Variants in BRINP3 observed in about 807,000 individuals in gnomAD.
BRINP3 encodes the protein BMP/retinoic acid inducible neural specific 3, also known as BMP/retinoic acid-inducible neural-specific protein 3.
Under a neutral mutation model 71.0 loss-of-function variants are expected in BRINP3, and 19 were observed. The ratio of observed to expected loss-of-function variants is 0.27; its 90% CI spans 0.19 to 0.39. BRINP3 has a LOEUF of 0.39. Ranked by LOEUF, BRINP3 falls within the 10% of genes least tolerant of loss-of-function variation. BRINP3 has a pLI of 1.00. For missense variants in BRINP3, 959 were observed against 940.8 expected (o/e 1.02, Z -0.25); for synonymous variants, 380 against 337.7 (o/e 1.13, Z -1.37).
intron 7 of BRINP3, among the ~76,000 whole-genome samples, chr1:190,132,778 G>T (rs1654648082): frequency 6.6e-6 from 1 of 152,034 alleles, no homozygotes; most frequent in African/African-American, 2.4e-5. Context: ...GAAAAGATTT[G>T]CATCTCACAG....
At chr1:190,180,526 T>A (rs1652937230) in intron 6 of BRINP3, among the ~76,000 whole-genome samples, 1 of 152,104 alleles carries the variant, frequency 6.6e-6, no homozygotes, top group Non-Finnish European at 1.5e-5. Context: ...ATTTTTAGGA[T>A]AATAAGTAAG....
At chr1:190,152,384 C>G (rs1251559323) in intron 7 of BRINP3, among the ~76,000 whole-genome samples, 1 of 151,824 alleles carries the variant, frequency 6.6e-6, no homozygotes, top group South Asian at 2.1e-4. Flanking sequence ...AGAGTTTACA[C>G]TTTCTCATTG....
chr1:190,462,707 T>C (rs1387822454), intron 1 of BRINP3, among the ~76,000 whole-genome samples: 5 of 152,098 alleles, frequency 3.3e-5, no homozygotes, highest in African/African-American at 1.2e-4. Context: ...CACAGTGTAG[T>C]ATATATTAAG....
At chr1:190,401,321 G>T (rs1671905353) in intron 2 of BRINP3, among the ~76,000 whole-genome samples, 2 of 138,590 alleles carry the variant, frequency 1.4e-5, no homozygotes, top group African/African-American at 5.4e-5. Context: ...TGAAGCCACT[G>T]CTCTCCAGCC....
chr1:190,112,818 T>C (rs1652802787), intron 7 of BRINP3, among the ~76,000 whole-genome samples: 1 of 152,160 alleles, frequency 6.6e-6, no homozygotes, highest in African/African-American at 2.4e-5. Flanking sequence ...AAAGTTGTTT[T>C]GGTGAGAATT....
At chr1:190,139,491 A>G (rs1046919990) in intron 7 of BRINP3, among the ~76,000 whole-genome samples, 1 of 151,810 alleles carries the variant, frequency 6.6e-6, no homozygotes, top group African/African-American at 2.4e-5. Flanking sequence ...AAAGAAAAAA[A>G]ATGATCTTTG....
intron 2 of BRINP3, among the ~76,000 whole-genome samples, chr1:190,442,722 T>C (rs563798960): frequency 5.3e-4 from 80 of 151,936 alleles, no homozygotes; most frequent in Non-Finnish European, 9.1e-4. Context: ...GTGTGTATTT[T>C]CTTCATGCCT....
chr1:190,135,756 T>C (rs1042794978), intron 7 of BRINP3, among the ~76,000 whole-genome samples: 4 of 152,076 alleles, frequency 2.6e-5, no homozygotes, highest in East Asian at 1.9e-4. Flanking sequence ...TAATTATTTC[T>C]GCATTAGTTT....
intron 4 of BRINP3, among the ~76,000 whole-genome samples, chr1:190,246,450 C>A (rs762818682): frequency 6.6e-6 from 1 of 151,738 alleles, no homozygotes; most frequent in Non-Finnish European, 1.5e-5. Context: ...TAGAAGTTGT[C>A]TTTAACCATA....
At chr1:190,278,567 G>A (rs1230511718) in intron 3 of BRINP3, among the ~76,000 whole-genome samples, 1 of 151,482 alleles carries the variant, frequency 6.6e-6, no homozygotes, top group African/African-American at 2.4e-5. Flanking sequence ...ATAATTTCAT[G>A]CATCTTAACT....
rs531997738 is a variant in BRINP3, at chr1:190,274,630, G to A, written c.427+6930C>T. ...GCAATGATAAGCCATATTATTACTT[G>A]TGCTAAAGCCTTACAATATTTTTTG... On this transcript the variant is annotated intron_variant, in intron 3 of 7. Transcript: ENST00000367462. Among the ~76,000 whole-genome samples the A allele has an allele frequency of 2.0e-5, 3 of 151,692 alleles. No individual in the cohort carries two copies. In the South Asian group the frequency reaches 6.2e-4, roughly 31 times the overall value.
chr1:190,128,097 T>A (rs1654235962), intron 7 of BRINP3, among the ~76,000 whole-genome samples: 1 of 151,698 alleles, frequency 6.6e-6, no homozygotes, highest in Non-Finnish European at 1.5e-5. Context: ...GATACAAAGA[T>A]CCCCAGTAGT....
chr1:190,409,400 A>C (rs1274151500), intron 2 of BRINP3, among the ~76,000 whole-genome samples: 1 of 152,224 alleles, frequency 6.6e-6, no homozygotes. Flanking sequence ...ACAAAAAAAG[A>C]ATCTCATTGT....
At chr1:190,142,406 G>T (rs1267206330) in intron 7 of BRINP3, among the ~76,000 whole-genome samples, 2 of 152,140 alleles carry the variant, frequency 1.3e-5, no homozygotes, top group Non-Finnish European at 2.9e-5. Flanking sequence ...TAAGGATTTG[G>T]ATATGGCTAG....
intron 5 of BRINP3, among the ~76,000 whole-genome samples, chr1:190,232,625 T>C (rs1322038286): frequency 2.0e-5 from 3 of 152,098 alleles, no homozygotes; most frequent in Non-Finnish European, 4.4e-5. Context: ...GAAATAATTA[T>C]ACAAAAGAGA....
intron 2 of BRINP3, among the ~76,000 whole-genome samples, chr1:190,299,912 G>T (rs1179489954): frequency 6.6e-6 from 1 of 152,082 alleles, no homozygotes; most frequent in Non-Finnish European, 1.5e-5. Context: ...TTTCTGCCGA[G>T]ACATCTGCTT....
At chr1:190,159,480 G>A (rs1321314945) in intron 7 of BRINP3, among the ~76,000 whole-genome samples, 1 of 152,038 alleles carries the variant, frequency 6.6e-6, no homozygotes, top group African/African-American at 2.4e-5. Flanking sequence ...TTCATCAAGT[G>A]ATGAACGAAT....
intron 2 of BRINP3, among the ~76,000 whole-genome samples, chr1:190,356,616 C>A (rs1361700587): frequency 6.6e-6 from 1 of 151,922 alleles, no homozygotes; most frequent in African/African-American, 2.4e-5. Flanking sequence ...CTGGTTCAGA[C>A]CTCCTGCCTC....
chr1:190,126,663 G>C (rs538101487), intron 7 of BRINP3, among the ~76,000 whole-genome samples: 1 of 151,840 alleles, frequency 6.6e-6, no homozygotes, highest in East Asian at 1.9e-4. Flanking sequence ...CATTGTCTTT[G>C]TTCAAATTTT....
Sources: gnomAD v4.1 joint callset for allele counts (sites outside exome capture counted in the v4.1 genomes callset) on GRCh38, gnomAD v4.1.1 for gene constraint, MANE v1.5 for transcripts, NCBI Gene and HGNC (gene_info 2026-07-23, HGNC 2026-07-21) for gene names.